PDE1C: variants seen among roughly 807,000 people sequenced by gnomAD.
PDE1C encodes the protein dual specificity calcium/calmodulin-dependent 3',5'-cyclic nucleotide phosphodiesterase 1C.
Under a neutral mutation model 93.1 loss-of-function variants are expected in PDE1C, and 62 were observed. The ratio of observed to expected loss-of-function variants is 0.67; its 90% CI spans 0.54 to 0.82. PDE1C has a LOEUF of 0.82. PDE1C is among the 40% of genes least tolerant of loss of function. The pLI, the probability that PDE1C is intolerant of heterozygous loss-of-function variation, is 0.00. For synonymous variants in PDE1C, 325 were observed against 310.1 expected, an observed-to-expected ratio of 1.05 and a Z score of -0.50; for missense variants, 742 against 884.6, an observed-to-expected ratio of 0.84 and a Z score of 2.04.
chr7:32,142,778 A>G (rs764449746), intron 3 of PDE1C, among the ~76,000 whole-genome samples: 48 of 152,168 alleles, frequency 3.2e-4, no homozygotes, highest in African/African-American at 9.9e-4. Flanking sequence ...CAAAGAAGAG[A>G]TGCTCGAGCT....
chr7:31,638,682 G>T, the PDE1C span, among the ~76,000 whole-genome samples: 1 of 152,016 alleles, frequency 6.6e-6, no homozygotes, highest in Non-Finnish European at 1.5e-5. Context: ...CCTTATCTTT[G>T]TTAACTCGAT....
intron 1 of PDE1C, among the ~76,000 whole-genome samples, chr7:32,398,450 G>T (rs141846550): frequency 1.3e-5 from 2 of 151,382 alleles, no homozygotes; most frequent in East Asian, 4.0e-4. Flanking sequence ...GTGCAGTGGC[G>T]CAATCTTGGC....
rs796122014 is a variant in PDE1C, at chr7:32,341,173, C to CTATTTTTTATTTTTTTT, written c.310+86648_310+86649insAAAAAAAATAAAAAATA. ...CCTAAAACTACTCTAGAAATAAAGT[C>CTATTTTTTATTTTTTTT]TTTTTTTTTTTTTTTTTTTTGAGAC... On this transcript the variant is annotated intron_variant, in intron 1 of 1. Transcript: ENST00000672256. Among the ~76,000 whole-genome samples the CTATTTTTTATTTTTTTT allele has an allele frequency of 1.2e-3, 98 of 84,948 alleles. 1 individual carries two copies. The highest frequency in any genetic ancestry group is 2.7e-3 in the African/African-American group (63 of 23,018). 55.7% of individuals were successfully genotyped at this position (84,948 alleles called of 152,430 possible).
the PDE1C span, among the ~76,000 whole-genome samples, chr7:31,677,730 T>C: frequency 2.0e-5 from 3 of 152,270 alleles, no homozygotes; most frequent in African/African-American, 4.8e-5. Flanking sequence ...AGGAACAAGA[T>C]AGAAATGCCA....
At chr7:32,425,549 G>T (rs991118085) in intron 1 of PDE1C, among the ~76,000 whole-genome samples, 1 of 152,148 alleles carries the variant, frequency 6.6e-6, no homozygotes, top group East Asian at 1.9e-4. Flanking sequence ...TATTTCCAAG[G>T]TGTCGTCAAA....
intron 1 of PDE1C, among the ~76,000 whole-genome samples, chr7:32,410,218 A>G (rs1268692575): frequency 1.3e-5 from 2 of 152,150 alleles, no homozygotes; most frequent in East Asian, 3.9e-4. Flanking sequence ...CTGTAGTCCT[A>G]GCTACTCAAG....
rs1784404014 is a variant in PDE1C, at chr7:32,374,580, G to GC, written c.310+53241dup. Among the ~76,000 whole-genome samples the GC allele has an allele frequency of 2.0e-5, 3 of 152,210 alleles. No individual in the cohort carries two copies. In the South Asian group the frequency reaches 6.2e-4, roughly 32 times the overall value. On this transcript the variant is annotated intron_variant, in intron 1 of 1. Transcript: ENST00000672256. ...GTGAAAGAGCCACCACATGATTTTA[G>GC]CCCCAAACCTAAAGTCACCCAACCT...
chr7:32,297,126 C>T (rs759425383), intron 1 of PDE1C, among the ~76,000 whole-genome samples: 22 of 152,178 alleles, frequency 1.4e-4, no homozygotes, highest in Non-Finnish European at 2.6e-4. Context: ...CCTGCAGGAA[C>T]AGCCTAGGCA....
At chr7:31,910,434 G>A (rs1355984717) in intron 2 of PDE1C, among the ~76,000 whole-genome samples, 1 of 152,110 alleles carries the variant, frequency 6.6e-6, no homozygotes, top group Non-Finnish European at 1.5e-5. Context: ...CCTTGGTGCT[G>A]TCTTGTACCA....
chr7:31,786,959 TCTATCTATCTATC>T (rs1784063038), intron 16 of PDE1C: 1 of 90,086 alleles, frequency 1.1e-5, no homozygotes, highest in African/African-American at 4.6e-5. Flanking sequence ...CTATCTATCA[TCTATCTATCTATC>T]TATCTACCTA....
chr7:32,120,126 C>T (rs890822006), intron 3 of PDE1C, among the ~76,000 whole-genome samples: 2 of 152,214 alleles, frequency 1.3e-5, no homozygotes, highest in Admixed American at 6.5e-5. Flanking sequence ...TGTTAGACGG[C>T]GGCCAGAGCG....
chr7:31,772,253 A>G (rs1454409535), intron 17 of PDE1C, among the ~76,000 whole-genome samples: 2 of 152,084 alleles, frequency 1.3e-5, no homozygotes, highest in Non-Finnish European at 2.9e-5. Flanking sequence ...AGCTGTCCCA[A>G]TGTCCTTCCA....
At chr7:32,378,295 A>C (rs1784469195) in intron 1 of PDE1C, among the ~76,000 whole-genome samples, 1 of 152,062 alleles carries the variant, frequency 6.6e-6, no homozygotes, top group South Asian at 2.1e-4. Context: ...TCTTGAAACC[A>C]CCTTTGTAAA....
intron 1 of PDE1C, among the ~76,000 whole-genome samples, chr7:32,247,707 A>G (rs7804687): frequency 0.88 from 133,363 of 152,242 alleles, 58,585 homozygotes; most frequent in South Asian, 0.94. Flanking sequence ...ACACTGTTTT[A>G]TAAAATAGGC....
At chr7:31,629,215 C>T in the PDE1C span, among the ~76,000 whole-genome samples, 2 of 152,116 alleles carry the variant, frequency 1.3e-5, no homozygotes, top group Non-Finnish European at 2.9e-5. Flanking sequence ...GATCTGCCCT[C>T]CTTTTTGTCT....
intron 3 of PDE1C, among the ~76,000 whole-genome samples, chr7:32,129,626 C>T (rs1799812278): frequency 6.6e-6 from 1 of 151,904 alleles, no homozygotes; most frequent in Admixed American, 6.6e-5. Context: ...AACAAACTCA[C>T]TCTTGTTTTT....
intron 6 of PDE1C, among the ~76,000 whole-genome samples, chr7:31,870,509 T>C (rs1482237340): frequency 6.6e-6 from 1 of 151,966 alleles, no homozygotes; most frequent in Non-Finnish European, 1.5e-5. Flanking sequence ...TTAGAGGAAA[T>C]GGATAAGTTC....
downstream of PDE1C, among the ~76,000 whole-genome samples, chr7:31,746,917 G>A (rs962049963): frequency 5.3e-5 from 8 of 152,196 alleles, no homozygotes; most frequent in African/African-American, 1.7e-4. Context: ...AATGGTGCAT[G>A]GAGGCCAGAG....
intron 2 of PDE1C, among the ~76,000 whole-genome samples, chr7:32,188,220 G>GA (rs987961289): frequency 2.0e-5 from 3 of 149,018 alleles, no homozygotes; most frequent in African/African-American, 7.4e-5. Context: ...AAATTGGGGG[G>GA]GGATTTTACT....
Sources: allele counts gnomAD v4.1 joint callset (sites outside exome capture counted in the v4.1 genomes callset), GRCh38; gene constraint gnomAD v4.1.1; transcripts MANE v1.5; gene names NCBI Gene and HGNC (gene_info 2026-07-23, HGNC 2026-07-21).